Variants in CDH18 observed in about 807,000 individuals in gnomAD.
CDH18 encodes the protein cadherin 18, also known as cadherin-18.
Under a neutral mutation model 67.9 loss-of-function variants are expected in CDH18, and 31 were observed. That is an observed-to-expected ratio of 0.46 (90% CI 0.34 to 0.62). The LOEUF (loss-of-function observed/expected upper bound fraction) is 0.62, where lower values mean the gene tolerates loss of function less well. CDH18 is among the 20% of genes least tolerant of loss of function. CDH18 has a pLI of 0.01. For missense variants in CDH18, 890 were observed against 975.5 expected (o/e 0.91, Z 1.17); for synonymous variants, 362 against 347.2 (o/e 1.04, Z -0.48).
rs190805472 is a variant in CDH18 at position 19,640,477 on chromosome 5, G to T, written c.644-27876C>A. On this transcript the variant is annotated intron_variant, in intron 5 of 12. Coordinates refer to ENST00000382275, the MANE Select transcript of CDH18 (RefSeq NM_004934.5). ...AATTCAAAAACAGATAAAGAGAAAAGAATCAAAGTAAGCCACTATAAGAAA... is the reference window on the plus strand; with the variant it reads ...AATTCAAAAACAGATAAAGAGAAAATAATCAAAGTAAGCCACTATAAGAAA... 2.6e-5 allele frequency among the ~76,000 whole-genome samples: 4 copies of T among 152,040 alleles called. No homozygotes were observed. The East Asian group carries it at 7.7e-4, about 29-fold the overall frequency.
chr5:20,411,759 A>T (rs917923939), intron 1 of CDH18, among the ~76,000 whole-genome samples: 1 of 151,246 alleles, frequency 6.6e-6, no homozygotes, highest in Non-Finnish European at 1.5e-5. Context: ...ATAACTGAAT[A>T]GTAAATGCAA....
At chr5:19,956,896 G>A (rs565022532) in intron 2 of CDH18, among the ~76,000 whole-genome samples, 141 of 151,974 alleles carry the variant, frequency 9.3e-4, no homozygotes, top group Non-Finnish European at 1.6e-3. Context: ...TGTGAACTAA[G>A]AGTACCTTAG....
intron 1 of CDH18, among the ~76,000 whole-genome samples, chr5:20,346,973 A>T (rs1028357244): frequency 2.0e-5 from 3 of 152,178 alleles, no homozygotes; most frequent in Non-Finnish European, 4.4e-5. Flanking sequence ...GGTATGTGCT[A>T]TAGCAGATAC....
At chr5:19,771,110 G>T (rs1199763782) in intron 3 of CDH18, among the ~76,000 whole-genome samples, 1 of 152,130 alleles carries the variant, frequency 6.6e-6, no homozygotes, top group Non-Finnish European at 1.5e-5. Context: ...AGAGAAACAT[G>T]AATCACTGAG....
At chr5:20,264,410 C>T (rs1744881514) in intron 1 of CDH18, among the ~76,000 whole-genome samples, 1 of 151,814 alleles carries the variant, frequency 6.6e-6, no homozygotes, top group African/African-American at 2.4e-5. Flanking sequence ...TGAATGATAG[C>T]CCAAAGTCAG....
At chr5:20,069,779 G>T (rs1313944792) in intron 2 of CDH18, among the ~76,000 whole-genome samples, 2 of 152,180 alleles carry the variant, frequency 1.3e-5, no homozygotes, top group African/African-American at 4.8e-5. Flanking sequence ...TTCAGAGAAA[G>T]GTACAGAGAT....
chr5:19,564,420 T>A (rs1261064693), intron 8 of CDH18, among the ~76,000 whole-genome samples: 1 of 151,974 alleles, frequency 6.6e-6, no homozygotes, highest in Non-Finnish European at 1.5e-5. Flanking sequence ...GCAGACAGAA[T>A]CCTGAGGCCC....
chr5:20,176,176 A>C (rs1308503293), intron 2 of CDH18, among the ~76,000 whole-genome samples: 2 of 152,014 alleles, frequency 1.3e-5, no homozygotes, highest in African/African-American at 4.8e-5. Context: ...TGCTCAAATG[A>C]CTCCATCAAG....
chr5:20,414,543 A>G (rs1297805606), intron 1 of CDH18, among the ~76,000 whole-genome samples: 5 of 152,212 alleles, frequency 3.3e-5, no homozygotes, highest in Admixed American at 6.5e-5. Context: ...GATGGATTCA[A>G]TAGTAGCCCA....
chr5:20,472,306 ATAGTT>A (rs1012838803), intron 1 of CDH18, among the ~76,000 whole-genome samples: 3 of 152,168 alleles, frequency 2.0e-5, no homozygotes, highest in African/African-American at 7.2e-5. Flanking sequence ...TATTCCATAT[ATAGTT>A]TATTCTTTTC....
At chr5:19,970,555 T>G (rs1269258567) in intron 2 of CDH18, among the ~76,000 whole-genome samples, 1 of 151,466 alleles carries the variant, frequency 6.6e-6, no homozygotes, top group Non-Finnish European at 1.5e-5. Context: ...TCTTAAGGTT[T>G]TGGAACTATT....
intron 2 of CDH18, among the ~76,000 whole-genome samples, chr5:20,189,032 A>C (rs1738326906): frequency 6.6e-6 from 1 of 151,958 alleles, no homozygotes; most frequent in Admixed American, 6.6e-5. Context: ...GAGCATGGCA[A>C]TCCCCCAGAT....
chr5:19,485,216 T>C (rs1740173358), intron 11 of CDH18, among the ~76,000 whole-genome samples: 1 of 151,444 alleles, frequency 6.6e-6, no homozygotes, highest in African/African-American at 2.4e-5. Context: ...TTTTCTTACC[T>C]AGTGAAAGAA....
chr5:20,148,895 G>A (rs183281373), intron 2 of CDH18, among the ~76,000 whole-genome samples: 1 of 152,108 alleles, frequency 6.6e-6, no homozygotes, highest in East Asian at 1.9e-4. Flanking sequence ...GCAGGCACCC[G>A]AGATGTCCAT....
At chr5:19,629,054 G>A (rs1436456783) in intron 5 of CDH18, among the ~76,000 whole-genome samples, 1 of 152,216 alleles carries the variant, frequency 6.6e-6, no homozygotes, top group African/African-American at 2.4e-5. Flanking sequence ...GTGAGGAATG[G>A]AGTCAGAGAC....
chr5:20,250,713 A>C (rs567238609), intron 2 of CDH18, among the ~76,000 whole-genome samples: 1 of 127,978 alleles, frequency 7.8e-6, no homozygotes, highest in Non-Finnish European at 1.6e-5. Context: ...CAAGAACGCT[A>C]TTTTACCTCA....
At chr5:20,034,778 C>G (rs535000109) in intron 2 of CDH18, among the ~76,000 whole-genome samples, 2 of 152,062 alleles carry the variant, frequency 1.3e-5, no homozygotes, top group East Asian at 3.9e-4. Context: ...CAATTACTTA[C>G]AATAGATCTC....
At chr5:20,095,478 GGAGA>G (rs1172386795) in intron 2 of CDH18, among the ~76,000 whole-genome samples, 20 of 101,666 alleles carry the variant, frequency 2.0e-4, no homozygotes, top group African/African-American at 6.9e-4. Context: ...AAGGAAGGAA[GGAGA>G]GAGAGAGGGA....
intron 2 of CDH18, among the ~76,000 whole-genome samples, chr5:19,884,628 T>G (rs552094298): frequency 6.6e-6 from 1 of 151,970 alleles, no homozygotes; most frequent in Admixed American, 6.6e-5. Context: ...ATGTTTTACA[T>G]ACTTATGACA....
Sources: gnomAD v4.1 joint callset for allele counts (sites outside exome capture counted in the v4.1 genomes callset) on GRCh38, gnomAD v4.1.1 for gene constraint, MANE v1.5 for transcripts, NCBI Gene and HGNC (gene_info 2026-07-23, HGNC 2026-07-21) for gene names.